Variants in SAFB2 observed in about 807,000 individuals in gnomAD.
SAFB2 encodes the protein scaffold attachment factor B2.
In SAFB2, 32 loss-of-function variants were observed where a neutral mutation model predicts 100.6. The ratio of observed to expected loss-of-function variants is 0.32; its 90% confidence interval spans 0.24 to 0.43. The LOEUF (loss-of-function observed/expected upper bound fraction) is 0.43, where lower values mean the gene tolerates loss of function less well. SAFB2 is among the 20% of genes least tolerant of loss of function. The pLI is 1.00. For synonymous variants in SAFB2, 500 were observed against 439.4 expected, an observed-to-expected ratio of 1.14 and a Z score of -1.72; for missense variants, 1,185 against 1,163.4, an observed-to-expected ratio of 1.02 and a Z score of -0.27.
rs1184375482 is a variant in SAFB2, at chr19:5,587,734, G to A, written c.2672C>T (p.Pro891Leu). Reference protein sequence around the residue: ...GERGLSGPSGPGHMASRGGVA... With the variant: ...GERGLSGPSGLGHMASRGGVA... ...TCCACCGCGGCTTGCCATGTGCCCC[G>A]GCCCCGAGGGCCCAGACAGGCCCCT... Residue 891 changes from proline (P) to leucine (L), a missense_variant, in exon 20 of 21, where the codon CCG becomes CTG. Coordinates refer to ENST00000252542, the MANE Select transcript of SAFB2 (RefSeq NM_014649.3). The surrounding 1 kb of genome is among the most constrained non-coding windows in gnomAD (Gnocchi z 4.9). The A allele has an allele frequency of 5.2e-6, 8 of 1,552,180 alleles. No individual in the cohort carries two copies. Among genetic ancestry groups the A allele is most frequent in the African/African-American group, 2.7e-5 (2 of 73,060 alleles).
chr19:5,617,863 T>C (rs921452595), intron 2 of SAFB2, among the ~76,000 whole-genome samples: 2 of 152,184 alleles, frequency 1.3e-5, no homozygotes, highest in African/African-American at 4.8e-5. Context: ...GCCCACAGTG[T>C]AGGCACAGTG....
At chr19:5,621,912 C>T (rs1348166138) in intron 1 of SAFB2, among the ~76,000 whole-genome samples, 1 of 152,230 alleles carries the variant, frequency 6.6e-6, no homozygotes, top group Non-Finnish European at 1.5e-5. Context: ...ATTCCCAACC[C>T]CTTAATATTT....
chr19:5,590,921 G>A (rs1156403940), intron 17 of SAFB2, among the ~76,000 whole-genome samples: 1 of 152,204 alleles, frequency 6.6e-6, no homozygotes, highest in Non-Finnish European at 1.5e-5. Context: ...CCACCAGGCT[G>A]CTGCTTTCTC....
intron 1 of SAFB2, among the ~76,000 whole-genome samples, chr19:5,621,919 A>T (rs1290539557): frequency 1.3e-5 from 2 of 152,182 alleles, no homozygotes; most frequent in African/African-American, 4.8e-5. Flanking sequence ...ACCCCTTAAT[A>T]TTTTGCATTT....
intron 2 of SAFB2, among the ~76,000 whole-genome samples, chr19:5,619,195 A>G (rs929412191): frequency 2.0e-5 from 3 of 152,154 alleles, no homozygotes; most frequent in Non-Finnish European, 4.4e-5. Context: ...CTTGTGCTTT[A>G]TCCATTAGCC....
intron 6 of SAFB2, 173 bp downstream of exon 6, chr19:5,612,367 T>C: frequency 1.5e-6 from 1 of 649,424 alleles, no homozygotes; most frequent in Non-Finnish European, 2.7e-6. Context: ...AGAATGGCTC[T>C]TCCACAGATC....
chr19:5,602,905 A>ACCCCCCCCCC (rs1157478969), intron 11 of SAFB2, among the ~76,000 whole-genome samples: 1 of 140,056 alleles, frequency 7.1e-6, no homozygotes, highest in Admixed American at 7.0e-5. Context: ...TAGAGGGCTC[A>ACCCCCCCCCC]CCGCCCCCCC....
Position 5,616,362 on chromosome 19 carries a change from C to T in SAFB2, c.340-27G>A, listed in dbSNP as rs774014831. ...TGTAAAGAGGAAGAAGAATCGTTAA[C>T]GACCACCTGGACCAGGACAGGGAGC... On this transcript the variant is annotated intron_variant, in intron 3 of 20. Coordinates refer to ENST00000252542, the MANE Select transcript of SAFB2 (RefSeq NM_014649.3). 2.8e-5 allele frequency: 45 copies of T among 1,613,908 alleles called. No homozygotes were observed. The East Asian group carries it at 4.0e-4, about 14-fold the overall frequency.
intron 14 of SAFB2, among the ~76,000 whole-genome samples, chr19:5,594,539 A>C (rs2052495335): frequency 6.6e-6 from 1 of 152,120 alleles, no homozygotes; most frequent in South Asian, 2.1e-4. Context: ...TCAAGACCAC[A>C]GCCCAGAAGG....
rs1186241089 is a variant in SAFB2, at chr19:5,600,251, A to T, written c.1569T>A (p.Ile523=). 18 of 1,612,212 alleles carry T rather than the reference A, an allele frequency of 1.1e-5. No individual in the cohort carries two copies. Among genetic ancestry groups the T allele is most frequent in the Non-Finnish European group, 1.5e-5 (18 of 1,179,438 alleles). Reference sequence around the variant, plus strand: ...TCTTCTCAATCTTCTCTTCCTTCTTAATTACAGTTCTATTTAAAGACATGG... The same window carrying T: ...TCTTCTCAATCTTCTCTTCCTTCTTTATTACAGTTCTATTTAAAGACATGG... ...SVEIKIEKTV[I]KKEEKIEKKE... Residue 523 remains isoleucine, a synonymous_variant, in exon 12 of 21, where the codon ATT becomes ATA. Transcript: ENST00000252542.
chr19:5,610,735 G>T, intron 7 of SAFB2, 47 bp from the exon 8 acceptor site: 1 of 1,296,934 alleles, frequency 7.7e-7, no homozygotes, highest in Non-Finnish European at 1.1e-6. Flanking sequence ...AAACGAAAGA[G>T]AACAAAACTA....
At chr19:5,608,688 C>CCCA (rs1568223294) in intron 9 of SAFB2, among the ~76,000 whole-genome samples, 3 of 152,142 alleles carry the variant, frequency 2.0e-5, no homozygotes, top group Non-Finnish European at 2.9e-5. Flanking sequence ...CTAAATGGTC[C>CCCA]GAACCTTGTC....
At chr19:5,590,443 C>T (rs780936398) in intron 17 of SAFB2, 35 bp from the exon 18 acceptor site, 3 of 1,564,504 alleles carry the variant, frequency 1.9e-6, no homozygotes, top group Non-Finnish European at 8.7e-7. Flanking sequence ...TGACACTGAC[C>T]ATGTCACCCA....
At chr19:5,613,911 C>T (rs1189077470) in intron 4 of SAFB2, among the ~76,000 whole-genome samples, 1 of 152,204 alleles carries the variant, frequency 6.6e-6, no homozygotes, top group Non-Finnish European at 1.5e-5. Context: ...CTTAAGGTAA[C>T]ACTAACCGGG....
intron 18 of SAFB2, 25 bp from the exon 19 acceptor site, chr19:5,588,005 A>G (rs1452246336): frequency 1.3e-6 from 2 of 1,599,026 alleles, no homozygotes; most frequent in Non-Finnish European, 1.7e-6. Context: ...AAAGACATGC[A>G]GCCATCTAAT....
intron 18 of SAFB2, among the ~76,000 whole-genome samples, chr19:5,588,581 C>T (rs925455513): frequency 2.6e-5 from 4 of 152,134 alleles, no homozygotes; most frequent in African/African-American, 7.2e-5. Context: ...CTGGCCCAGG[C>T]AGCATGTGGA....
In SAFB2 at chr19:5,592,873, T is replaced by C. The variant is rs201770103; in HGVS notation, c.2222A>G (p.Tyr741Cys). The C allele has an allele frequency of 8.3e-5, 134 of 1,613,938 alleles. 1 individual carries two copies. In the South Asian group the frequency reaches 8.5e-4, roughly 10 times the overall value. ...TGCCACACGCTTTCCTTCTGGCCAA[T>C]AGGCATCATCTCGTCTGTTGGTTTT... ...PYDLDRRDDAYWPEGKRVAME... is the reference protein window; with the variant it reads ...PYDLDRRDDACWPEGKRVAME... The change falls in exon 16 of 21, where the codon TAT becomes TGT. Residue 741 changes from tyrosine (Y) to cysteine (C), a missense_variant. By Grantham distance (194) the Tyr-to-Cys change is radical (BLOSUM62 -2). Around this residue, in one of 3 missense-constraint regions of SAFB2, gnomAD observed 740 missense variants for 687.1 expected, o/e 1.08. Transcript: ENST00000252542.
chr19:5,588,077 C>A, intron 18 of SAFB2, 97 bp from the exon 19 acceptor site: 1 of 1,035,978 alleles, frequency 9.7e-7, no homozygotes, highest in South Asian at 1.6e-5. Flanking sequence ...CATGGTGGGT[C>A]ATGCCACACA....
intron 5 of SAFB2, among the ~76,000 whole-genome samples, chr19:5,613,140 C>T (rs2052945497): frequency 6.6e-6 from 1 of 152,132 alleles, no homozygotes; most frequent in South Asian, 2.1e-4. Context: ...GAGACACCAC[C>T]CAAACTTTCT....
Sources: allele counts gnomAD v4.1 joint callset (sites outside exome capture counted in the v4.1 genomes callset), GRCh38; gene constraint gnomAD v4.1.1; regional missense constraint gnomAD v4.1.1; non-coding constraint Gnocchi (gnomAD v3.1); transcripts MANE v1.5; gene names NCBI Gene and HGNC (gene_info 2026-07-23, HGNC 2026-07-21).